Variants in MGAT4C observed in about 807,000 individuals in gnomAD.
MGAT4C encodes the protein alpha-1,3-mannosyl-glycoprotein 4-beta-N-acetylglucosaminyltransferase C.
Under a neutral mutation model 40.1 loss-of-function variants are expected in MGAT4C, and 19 were observed. The observed-to-expected ratio is 0.47, with a 90% CI of 0.33 to 0.70. MGAT4C has a LOEUF of 0.70. Among genes scored for constraint, MGAT4C ranks in the 30% least tolerant of loss-of-function variants. The pLI is 0.02. For missense variants in MGAT4C, 491 were observed against 563.2 expected (o/e 0.87, Z 1.30); for synonymous variants, 181 against 187.1 (o/e 0.97, Z 0.27).
intron 1 of MGAT4C, among the ~76,000 whole-genome samples, chr12:86,057,715 G>A (rs1893546224): frequency 6.6e-6 from 1 of 152,104 alleles, no homozygotes; most frequent in Non-Finnish European, 1.5e-5. Context: ...AACCTCAAGG[G>A]CAGAAATCAT....
At chr12:86,635,624 T>C (rs1243337429) in intron 2 of MGAT4C, among the ~76,000 whole-genome samples, 1 of 151,850 alleles carries the variant, frequency 6.6e-6, no homozygotes, top group Non-Finnish European at 1.5e-5. Flanking sequence ...AAGATTATAA[T>C]ACCACATTTT....
intron 1 of MGAT4C, among the ~76,000 whole-genome samples, chr12:86,788,467 C>T (rs1389307703): frequency 1.3e-5 from 2 of 152,074 alleles, no homozygotes; most frequent in Non-Finnish European, 2.9e-5. Context: ...AGATTTCTTT[C>T]TCATTTCTAC....
At chr12:86,347,469 A>G (rs952270505) in intron 3 of MGAT4C, among the ~76,000 whole-genome samples, 3 of 152,182 alleles carry the variant, frequency 2.0e-5, no homozygotes, top group Non-Finnish European at 4.4e-5. Context: ...TTTCAGTTCT[A>G]TGCTTAATTA....
At chr12:86,129,190 G>A (rs1412161482) in intron 1 of MGAT4C, among the ~76,000 whole-genome samples, 6 of 148,170 alleles carry the variant, frequency 4.0e-5, no homozygotes, top group African/African-American at 1.2e-4. Context: ...ACTGAGCCCC[G>A]AACAAAGAGT....
At chr12:86,740,150 A>G (rs944282088) in intron 1 of MGAT4C, among the ~76,000 whole-genome samples, 44 of 151,132 alleles carry the variant, frequency 2.9e-4, no homozygotes, top group African/African-American at 9.2e-4. Flanking sequence ...AATTCTTTGC[A>G]GACAATGTTG....
intron 2 of MGAT4C, among the ~76,000 whole-genome samples, chr12:86,512,612 A>C (rs1233121920): frequency 6.6e-6 from 1 of 152,192 alleles, no homozygotes; most frequent in African/African-American, 2.4e-5. Flanking sequence ...TAAAACAAGA[A>C]AATTCTGCAA....
intron 2 of MGAT4C, among the ~76,000 whole-genome samples, chr12:86,686,174 C>T (rs574173589): frequency 5.3e-5 from 8 of 152,040 alleles, no homozygotes; most frequent in South Asian, 2.1e-4. Context: ...CCACTGCACC[C>T]GGCTGAATGC....
intron 1 of MGAT4C, among the ~76,000 whole-genome samples, chr12:86,783,219 G>T (rs746264634): frequency 4.6e-5 from 7 of 152,058 alleles, no homozygotes; most frequent in Non-Finnish European, 1.0e-4. Flanking sequence ...CAAATTAAAT[G>T]CATAAAGACC....
At chr12:86,292,979 GA>G (rs1163080757) in intron 4 of MGAT4C, among the ~76,000 whole-genome samples, 1 of 151,988 alleles carries the variant, frequency 6.6e-6, no homozygotes, top group African/African-American at 2.4e-5. Flanking sequence ...TTGAAAAAAT[GA>G]GAAAATTAGT....
intron 3 of MGAT4C, among the ~76,000 whole-genome samples, chr12:86,400,030 T>C (rs1956327861): frequency 6.6e-6 from 1 of 152,150 alleles, no homozygotes; most frequent in Admixed American, 6.5e-5. Context: ...GGAGACAGTG[T>C]TGTGTGACTG....
intron 2 of MGAT4C, among the ~76,000 whole-genome samples, chr12:86,637,040 T>C (rs1963239151): frequency 6.6e-6 from 1 of 151,930 alleles, no homozygotes; most frequent in African/African-American, 2.4e-5. Flanking sequence ...AGAAGGAGGA[T>C]TATACATCAC....
rs73387213 is a variant in MGAT4C at position 86,341,591 on chromosome 12, G to A, written c.-119-7464C>T. On this transcript the variant is annotated intron_variant, in intron 3 of 7. Transcript: ENST00000548651. ...AAATTACAATCAGCTACCAGTAGCA[G>A]CACTGCACTCCCCTAAGAAGGATCT... Among the ~76,000 whole-genome samples the A allele has an allele frequency of 3.3e-3, 509 of 152,306 alleles. 3 individuals carry two copies. The highest frequency in any genetic ancestry group is 0.012 in the African/African-American group (496 of 41,572).
chr12:85,984,376 T>G (rs957670818), intron 3 of MGAT4C, among the ~76,000 whole-genome samples: 2 of 149,924 alleles, frequency 1.3e-5, no homozygotes, highest in Non-Finnish European at 3.0e-5. Context: ...ATAGTTAAGT[T>G]TGTGTGTGTG....
At chr12:86,712,297 T>C (rs1950570701) in intron 2 of MGAT4C, among the ~76,000 whole-genome samples, 1 of 152,000 alleles carries the variant, frequency 6.6e-6, no homozygotes, top group Non-Finnish European at 1.5e-5. Context: ...CTCAAAAAAA[T>C]ATATAAAAGG....
At chr12:86,325,764 C>T (rs887723787) in intron 4 of MGAT4C, among the ~76,000 whole-genome samples, 2 of 152,046 alleles carry the variant, frequency 1.3e-5, no homozygotes, top group African/African-American at 2.4e-5. Context: ...GTATTCTCAG[C>T]TACCCAGGAG....
chr12:86,444,158 C>A (rs1254883726), intron 2 of MGAT4C, among the ~76,000 whole-genome samples: 1 of 152,128 alleles, frequency 6.6e-6, no homozygotes, highest in Admixed American at 6.5e-5. Flanking sequence ...ATCCATATCA[C>A]CAAAGGCACT....
At chr12:86,546,142 A>G (rs537458138) in intron 2 of MGAT4C, among the ~76,000 whole-genome samples, 1 of 152,090 alleles carries the variant, frequency 6.6e-6, no homozygotes, top group Non-Finnish European at 1.5e-5. Flanking sequence ...ATAAATCTGT[A>G]TAACTGAATT....
At position 86,128,943 on chromosome 12, in the gene MGAT4C, T is replaced by A. The variant is rs1413069126; in HGVS notation, c.-56-79220A>T. Among the ~76,000 whole-genome samples the A allele has an allele frequency of 2.0e-5, 3 of 152,170 alleles. No individual in the cohort carries two copies. In the South Asian group the frequency reaches 6.2e-4, roughly 32 times the overall value. On this transcript the variant is annotated intron_variant, in intron 1 of 4. Transcript: ENST00000611864. ...TGAAAAGGGTGTCCTTTCCCCACTT[T>A]GGCTTTTTGTTTGCTTTGTCGAAGA...
intron 1 of MGAT4C, among the ~76,000 whole-genome samples, chr12:86,790,564 A>G (rs1952005382): frequency 6.6e-6 from 1 of 152,172 alleles, no homozygotes; most frequent in South Asian, 2.1e-4. Context: ...TTCCATTCAC[A>G]TATCTGGAAC....
Sources: allele counts gnomAD v4.1 joint callset (sites outside exome capture counted in the v4.1 genomes callset), GRCh38; gene constraint gnomAD v4.1.1; transcripts MANE v1.5; gene names NCBI Gene and HGNC (gene_info 2026-07-23, HGNC 2026-07-21).